LPCAT2: variants seen among roughly 807,000 people sequenced by gnomAD.
LPCAT2 encodes the protein 1-AGP acyltransferase 11.
LPCAT2 carries 58 observed loss-of-function variants against 64.7 expected under a neutral mutation model. That is an observed-to-expected ratio of 0.90 (90% CI 0.73 to 1.12). The LOEUF is 1.12. Ranked by LOEUF, LPCAT2 falls within the 50% of genes most tolerant of loss-of-function variation. The probability of loss-of-function intolerance (pLI) is 0.00; values close to 1 mark genes in which losing one functional copy is unlikely to be tolerated. For missense variants in LPCAT2, 579 were observed against 669.8 expected, an observed-to-expected ratio of 0.86 and a Z score of 1.50; for synonymous variants, 252 against 245.3, an observed-to-expected ratio of 1.03 and a Z score of -0.26.
chr16:55,528,744 G>T, intron 3 of LPCAT2, 150 bp downstream of exon 3: 1 of 643,976 alleles, frequency 1.6e-6, no homozygotes, highest in Non-Finnish European at 2.6e-6. Flanking sequence ...TTACTACATG[G>T]AAATAGTATA....
Sources: allele counts gnomAD v4.1 joint callset, GRCh38; gene constraint gnomAD v4.1.1; transcripts MANE v1.5; gene names NCBI Gene and HGNC (gene_info 2026-07-23, HGNC 2026-07-21).